Variants in FXR2 observed in about 807,000 individuals in gnomAD.
FXR2 encodes the protein RNA-binding protein FXR2.
FXR2 carries 9 observed loss-of-function variants against 87.3 expected under a neutral mutation model. The observed-to-expected ratio is 0.10, with a 90% CI of 0.06 to 0.18. FXR2 has a LOEUF of 0.18. Among genes scored for constraint, FXR2 ranks in the 10% least tolerant of loss-of-function variants. The pLI is 1.00. For missense variants in FXR2, 661 were observed against 893.6 expected, an observed-to-expected ratio of 0.74 and a Z score of 3.32; for synonymous variants, 331 against 328.3, an observed-to-expected ratio of 1.01 and a Z score of -0.09.
chr17:7,606,165 GA>G lies in FXR2; in HGVS notation c.82-17del. The G allele has an allele frequency of 6.6e-7, 1 of 1,510,558 alleles. No homozygotes were observed. The highest frequency in any genetic ancestry group is 9.0e-7 in the Non-Finnish European group (1 of 1,113,750). The allele number at this position is 1,510,558 out of a possible 1,614,324, so 93.6% of individuals were successfully genotyped here. ...TCACAAAGCCCTAGAATGGATTTTA[GA>G]AAAAAGCAAAAAAAATAAAATGACC... On this transcript the variant is annotated splice_polypyrimidine_tract_variant and intron_variant, in intron 1 of 16. Transcript: ENST00000250113.
rs1293011037 is a variant in FXR2 at position 7,614,557 on chromosome 17, C to T, written c.-25G>A. On this transcript the variant is annotated 5_prime_UTR_variant, in exon 1 of 17. Coordinates refer to ENST00000250113, the MANE Select transcript of FXR2 (RefSeq NM_004860.4). ...TGGCGCCGCCACCGCCTCCGACTCC[C>T]CCGGCGGCGGCTGCAGCAGCAGTCT... 1.4e-6 allele frequency: 2 copies of T among 1,419,492 alleles called. No homozygotes were observed. The highest frequency in any genetic ancestry group is 3.0e-5 in the African/African-American group (2 of 66,690). 87.9% of individuals were successfully genotyped at this position (1,419,492 alleles called of 1,614,324 possible).
chr17:7,606,318 G>C (rs2071802715), intron 1 of FXR2, among the ~76,000 whole-genome samples, 169 bp from the exon 2 acceptor site: 1 of 152,150 alleles, frequency 6.6e-6, no homozygotes, highest in Non-Finnish European at 1.5e-5. Flanking sequence ...AATATGGGCA[G>C]TCAAACAGAG....
intron 7 of FXR2, among the ~76,000 whole-genome samples, chr17:7,600,789 C>T (rs986885131): frequency 1.5e-4 from 23 of 152,068 alleles, no homozygotes; most frequent in African/African-American, 4.8e-4. Flanking sequence ...GAGGCTGAGG[C>T]GGGAGAATCG....
Position 7,599,084 on chromosome 17 carries a change from C to T in FXR2, c.660+2325G>A, listed in dbSNP as rs1178270221. 1.0e-4 allele frequency among the ~76,000 whole-genome samples: 15 copies of T among 150,610 alleles called. No homozygotes were observed. The Admixed American group carries it at 1.0e-3, about 10-fold the overall frequency. ...CCCAGGAGCGAGAGGTTGCAGGGAG[C>T]GGAGATTGTGCCATTGCACTCCAGC... is the stretch of plus-strand genomic sequence containing the variant. On this transcript the variant is annotated intron_variant, in intron 7 of 16. Transcript: ENST00000250113.
intron 1 of FXR2, among the ~76,000 whole-genome samples, chr17:7,606,873 A>G (rs1291263393): frequency 1.3e-5 from 2 of 152,220 alleles, no homozygotes; most frequent in African/African-American, 4.8e-5. Flanking sequence ...GTCCTCACTA[A>G]GGAGGCCAAA....
At chr17:7,609,955 C>CATATATATACATGTATATGTATACATAT (rs1567753822) in intron 1 of FXR2, among the ~76,000 whole-genome samples, 2 of 86,398 alleles carry the variant, frequency 2.3e-5, no homozygotes, top group Non-Finnish European at 4.9e-5. Flanking sequence ...TATATGTATA[C>CATATATATACATGTATATGTATACATAT]ATATATATAC....
rs1424342258 is a variant in FXR2, at chr17:7,593,038, G to T, written c.1474C>A (p.Pro492Thr). 6.3e-7 allele frequency: 1 copy of T among 1,577,298 alleles called. No individual in the cohort carries two copies. The highest frequency in any genetic ancestry group is 8.6e-7 in the Non-Finnish European group (1 of 1,164,880). Residue 492 changes from proline (P) to threonine (T), a missense_variant, in exon 13 of 17, where the codon CCC (proline) becomes ACC (threonine). Physicochemically the swap from Pro to Thr is conservative, Grantham distance 38. Transcript: ENST00000250113. The surrounding 1 kb of genome is among the most constrained non-coding windows in gnomAD (Gnocchi z 6.1). ...RRPTGGRGRG[P>T]PPAPRPTSRY... Reference sequence around the variant, plus strand: ...GAAGTGGGCCGGGGGGCAGGTGGGGGTCCCCTACCCCGGCCCCCAGTCGGC... The same window carrying T: ...GAAGTGGGCCGGGGGGCAGGTGGGGTTCCCCTACCCCGGCCCCCAGTCGGC...
chr17:7,606,303 G>T (rs1158009046), intron 1 of FXR2, among the ~76,000 whole-genome samples, 154 bp from the exon 2 acceptor site: 4 of 152,160 alleles, frequency 2.6e-5, no homozygotes, highest in Non-Finnish European at 4.4e-5. Context: ...CTGCACTGGG[G>T]AAAGAATATG....
intron 7 of FXR2, among the ~76,000 whole-genome samples, chr17:7,599,097 A>G (rs1424692042): frequency 6.6e-6 from 1 of 151,518 alleles, no homozygotes; most frequent in Non-Finnish European, 1.5e-5. Context: ...AGATTGTGCC[A>G]TTGCACTCCA....
chr17:7,593,819 A>T lies in FXR2; in HGVS notation c.1107+99T>A. On this transcript the variant is annotated intron_variant, in intron 11 of 16. Transcript: ENST00000250113. The surrounding 1 kb of genome is among the most constrained non-coding windows in gnomAD (Gnocchi z 6.1). ...TTTCCACAGATGTTTTCTGTTCTAC[A>T]CGGAGAGACAAACAGAGAACCAAAA... is the stretch of plus-strand genomic sequence containing the variant. The T allele has an allele frequency of 1.1e-6, 1 of 891,210 alleles. No individual in the cohort carries two copies. The highest frequency in any genetic ancestry group is 1.4e-5 in the South Asian group (1 of 70,946). 55.2% of individuals were successfully genotyped at this position (891,210 alleles called of 1,614,324 possible).
rs1041353838 is a variant in FXR2, at chr17:7,591,644, G to A, written c.*186C>T. 6 of 614,180 alleles carry A rather than the reference G, an allele frequency of 9.8e-6. No individual in the cohort carries two copies. Among genetic ancestry groups the A allele is most frequent in the Middle Eastern group, 4.4e-4 (1 of 2,278 alleles). 38.0% of individuals were successfully genotyped at this position (614,180 alleles called of 1,614,324 possible). ...ACCCTGGGGGTAGGGTGGACAAGAGGGAGGGGGTATGACCCTGTTACACAC... is the reference window on the plus strand; with the variant it reads ...ACCCTGGGGGTAGGGTGGACAAGAGAGAGGGGGTATGACCCTGTTACACAC... On this transcript the variant is annotated 3_prime_UTR_variant, in exon 17 of 17. Transcript: ENST00000250113. The surrounding 1 kb of genome is among the most constrained non-coding windows in gnomAD (Gnocchi z 4.0).
At chr17:7,609,977 T>C (rs569833934) in intron 1 of FXR2, among the ~76,000 whole-genome samples, 1 of 95,238 alleles carries the variant, frequency 1.0e-5, no homozygotes, top group African/African-American at 3.2e-5. Flanking sequence ...TGTATATGTA[T>C]ACATATATAT....
Position 7,602,933 on chromosome 17 carries a change from G to T in FXR2, c.519C>A (p.Ile173=). 1.3e-6 allele frequency: 2 copies of T among 1,549,860 alleles called. No individual in the cohort carries two copies. Among genetic ancestry groups the T allele is most frequent in the Non-Finnish European group, 1.8e-6 (2 of 1,122,526 alleles). ...ALGANCIFLN[I]TNSELFILST... ...CCAGAATGAAGAGCTCACTGTTTGT[G>T]ATGTTGAGAAAGATGCAGTTGGCTC... Residue 173 remains isoleucine, a synonymous_variant, in exon 6 of 17, where the codon ATC becomes ATA. Transcript: ENST00000250113.
In FXR2 at chr17:7,592,325, C is replaced by G. The variant is rs1474576486; in HGVS notation, c.1855G>C (p.Glu619Gln). Residue 619 changes from glutamate (E) to glutamine (Q), a missense_variant, in exon 16 of 17, where the codon GAG becomes CAG. Transcript: ENST00000250113. This position sits in a 1 kb window ranked among gnomAD's most constrained non-coding sequence, Gnocchi z 4.8. ...VTVADYISRA[E>Q]SQSRQRPPLE... ...GGTGGCCTCTGGCGGCTCTGAGACTCTGCTCGTGAGATATAGTCAGCCACA... is the reference window on the plus strand; with the variant it reads ...GGTGGCCTCTGGCGGCTCTGAGACTGTGCTCGTGAGATATAGTCAGCCACA... 6.2e-7 allele frequency: 1 copy of G among 1,613,292 alleles called. No individual in the cohort carries two copies.
chr17:7,595,899 C>T lies in FXR2; in HGVS notation c.756G>A (p.Gln252=). The T allele has an allele frequency of 6.2e-7, 1 of 1,613,838 alleles. No individual in the cohort carries two copies. Among genetic ancestry groups the T allele is most frequent in the East Asian group, 2.2e-5 (1 of 44,870 alleles). The change falls in exon 8 of 17, where the codon CAG becomes CAA. Residue 252 remains glutamine, a synonymous_variant. Coordinates refer to ENST00000250113, the MANE Select transcript of FXR2 (RefSeq NM_004860.4). The surrounding 1 kb of genome is among the most constrained non-coding windows in gnomAD (Gnocchi z 4.7). The part of the protein sequence containing the change: ...LAIGTHGANI[Q]QARKVPGVTA... ...TCACCCCAGGTACTTTTCGGGCCTG[C>T]TGGATGTTGGCACCGTGAGTCCCAA... is the stretch of plus-strand genomic sequence containing the variant.
At chr17:7,596,058 C>T in intron 7 of FXR2, 64 bp from the exon 8 acceptor site, 1 of 1,246,238 alleles carries the variant, frequency 8.0e-7, no homozygotes, top group Non-Finnish European at 1.2e-6. Flanking sequence ...GCACACGACC[C>T]TTTGCATAAC....
chr17:7,608,350 G>A (rs984469598), intron 1 of FXR2, among the ~76,000 whole-genome samples: 19 of 151,370 alleles, frequency 1.3e-4, no homozygotes, highest in Non-Finnish European at 1.8e-4. Flanking sequence ...TCCCAACACT[G>A]GGAGGCCGAG....
chr17:7,611,607 G>A (rs2071865459), intron 1 of FXR2, among the ~76,000 whole-genome samples: 1 of 152,080 alleles, frequency 6.6e-6, no homozygotes, highest in South Asian at 2.1e-4. Context: ...GGCGGAGGCT[G>A]CAGTGAGACG....
intron 1 of FXR2, among the ~76,000 whole-genome samples, chr17:7,608,196 T>TG (rs2071819452): frequency 6.6e-6 from 1 of 151,802 alleles, no homozygotes; most frequent in African/African-American, 2.4e-5. Flanking sequence ...ACTCAAGCAA[T>TG]GCACCCGCCT....
Sources: allele counts gnomAD v4.1 joint callset (sites outside exome capture counted in the v4.1 genomes callset), GRCh38; gene constraint gnomAD v4.1.1; non-coding constraint Gnocchi (gnomAD v3.1); transcripts MANE v1.5; gene names NCBI Gene and HGNC (gene_info 2026-07-23, HGNC 2026-07-21).